Variants in EPHX4 observed in about 807,000 individuals in gnomAD.
EPHX4 encodes epoxide hydrolase 4.
Under a neutral mutation model 44.9 loss-of-function variants are expected in EPHX4, and 31 were observed. The observed-to-expected ratio is 0.69, with a 90% CI of 0.52 to 0.93. The LOEUF is 0.93. Ranked by LOEUF, EPHX4 falls within the 40% of genes least tolerant of loss-of-function variation. The probability of loss-of-function intolerance (pLI) is 0.00; values close to 1 mark genes in which losing one functional copy is unlikely to be tolerated. For synonymous variants in EPHX4, 151 were observed against 159.7 expected (o/e 0.95, Z 0.41); for missense variants, 373 against 438.1 (o/e 0.85, Z 1.33).
intron 6 of EPHX4, among the ~76,000 whole-genome samples, chr1:92,060,562 A>G (rs77181457): frequency 0.011 from 1,748 of 152,298 alleles, 24 homozygotes; most frequent in African/African-American, 0.04. Context: ...GAAAGTTTTT[A>G]AATGAAACTT....
intron 5 of EPHX4, 56 bp downstream of exon 5, chr1:92,050,476 T>C (rs1018512217): frequency 2.1e-6 from 2 of 959,112 alleles, no homozygotes; most frequent in African/African-American, 3.4e-5. Flanking sequence ...ATGAAAAATA[T>C]TTTAAAGTCC....
In EPHX4 at chr1:92,032,493, C is replaced by G. The variant is rs759292966; in HGVS notation, c.232-12C>G. ...ACAAACATCACTAAAATTCCATGCC[C>G]TCTACTTTCAGGATTCAGGGTTAAG... On this transcript the variant is annotated splice_polypyrimidine_tract_variant and intron_variant, in intron 1 of 6. Coordinates refer to ENST00000370383, the MANE Select transcript of EPHX4 (RefSeq NM_173567.5). The G allele has an allele frequency of 6.2e-7, 1 of 1,608,948 alleles. No individual in the cohort carries two copies. Among genetic ancestry groups the G allele is most frequent in the East Asian group, 2.2e-5 (1 of 44,844 alleles).
chr1:92,039,834 A>G (rs1047512869), intron 2 of EPHX4, among the ~76,000 whole-genome samples: 15 of 152,042 alleles, frequency 9.9e-5, no homozygotes, highest in African/African-American at 3.4e-4. Flanking sequence ...TTGTATTTTT[A>G]GTAGAGACGT....
At chr1:92,030,701 T>G (rs893797953) in intron 1 of EPHX4, among the ~76,000 whole-genome samples, 1 of 152,052 alleles carries the variant, frequency 6.6e-6, no homozygotes, top group Non-Finnish European at 1.5e-5. Context: ...AGATCAGCTG[T>G]AGAGAATTGT....
intron 2 of EPHX4, among the ~76,000 whole-genome samples, chr1:92,034,693 G>A (rs1325604619): frequency 6.7e-6 from 1 of 149,244 alleles, no homozygotes; most frequent in East Asian, 2.0e-4. Context: ...CCAGGCTAGA[G>A]TGCAGTGGTG....
At chr1:92,049,097 A>G (rs1236130923) in intron 4 of EPHX4, among the ~76,000 whole-genome samples, 4 of 152,014 alleles carry the variant, frequency 2.6e-5, no homozygotes, top group Admixed American at 2.0e-4. Context: ...AAAGCACTTA[A>G]AATAAAATCT....
chr1:92,055,576 A>T (rs1219922226), intron 6 of EPHX4, among the ~76,000 whole-genome samples: 1 of 152,188 alleles, frequency 6.6e-6, no homozygotes, highest in Non-Finnish European at 1.5e-5. Context: ...AGAAAGGCAG[A>T]TAGATTGCAG....
At chr1:92,049,203 C>G (rs557267067) in intron 4 of EPHX4, among the ~76,000 whole-genome samples, 17 of 152,164 alleles carry the variant, frequency 1.1e-4, no homozygotes, top group Middle Eastern at 3.4e-3. Context: ...CAACAAAGGC[C>G]TTTCTGCATC....
Position 92,032,224 on chromosome 1 carries a change from C to T in EPHX4, c.232-281C>T, listed in dbSNP as rs148437620. Among the ~76,000 whole-genome samples, 129 of 152,140 alleles carry T rather than the reference C, an allele frequency of 8.5e-4. No homozygotes were observed. In the East Asian group the frequency reaches 0.025, roughly 29 times the overall value. Reference sequence around the variant, plus strand: ...AATATATAAATTGACTGTACTAGAACAAGAAGAGAAGGTACTGTCAAGGGA... The same window carrying T: ...AATATATAAATTGACTGTACTAGAATAAGAAGAGAAGGTACTGTCAAGGGA... On this transcript the variant is annotated intron_variant, in intron 1 of 6. Coordinates refer to ENST00000370383, the MANE Select transcript of EPHX4 (RefSeq NM_173567.5).
At chr1:92,041,054 T>G (rs1688501494) in intron 2 of EPHX4, among the ~76,000 whole-genome samples, 1 of 152,130 alleles carries the variant, frequency 6.6e-6, no homozygotes, top group Non-Finnish European at 1.5e-5. Flanking sequence ...GTCTTTTTTT[T>G]CTGTTGGTTA....
At chr1:92,051,455 A>C (rs964688267) in intron 5 of EPHX4, among the ~76,000 whole-genome samples, 1 of 151,226 alleles carries the variant, frequency 6.6e-6, no homozygotes, top group Admixed American at 6.6e-5. Flanking sequence ...TTTTTTTTCT[A>C]ATTTTTTTTT....
chr1:92,030,313 G>T lies in EPHX4; in HGVS notation c.231+3G>T. 6.5e-7 allele frequency: 1 copy of T among 1,536,446 alleles called. No individual in the cohort carries two copies. ...CCCACTGCTACGTGCGGATCAAGGT[G>T]AAGGGCCGCGCGGGCCTGGCGGGAG... On this transcript the variant is annotated splice_donor_region_variant and intron_variant, in intron 1 of 6. Coordinates refer to ENST00000370383, the MANE Select transcript of EPHX4 (RefSeq NM_173567.5).
chr1:92,042,612 CT>C (rs1688523839), intron 2 of EPHX4, among the ~76,000 whole-genome samples: 1 of 149,810 alleles, frequency 6.7e-6, no homozygotes, highest in Non-Finnish European at 1.5e-5. Flanking sequence ...GTAGTCTCGG[CT>C]TTTTAGGAAA....
intron 4 of EPHX4, among the ~76,000 whole-genome samples, chr1:92,049,913 C>T (rs909346317): frequency 3.3e-5 from 5 of 152,006 alleles, no homozygotes; most frequent in African/African-American, 1.2e-4. Flanking sequence ...GCCTGGCCAA[C>T]ATGGCGAAAC....
intron 2 of EPHX4, among the ~76,000 whole-genome samples, chr1:92,039,634 A>G (rs545315214): frequency 3.3e-5 from 5 of 152,252 alleles, no homozygotes; most frequent in African/African-American, 1.2e-4. Context: ...GCCAAAAAAG[A>G]CACGTTTATT....
intron 3 of EPHX4, chr1:92,043,195 A>T (rs1186909169): frequency 2.5e-6 from 1 of 404,034 alleles, no homozygotes; most frequent in African/African-American, 2.1e-5. Context: ...GCCAAGAATG[A>T]CTTTTCAGAT....
intron 3 of EPHX4, chr1:92,043,825 A>C (rs965552203): frequency 3.9e-5 from 6 of 152,200 alleles, no homozygotes; most frequent in African/African-American, 1.4e-4. Context: ...TGGCTGCCTG[A>C]GGGAAGCTTT....
chr1:92,042,608 T>G (rs992113334), intron 2 of EPHX4, among the ~76,000 whole-genome samples: 3 of 151,154 alleles, frequency 2.0e-5, no homozygotes, highest in African/African-American at 7.3e-5. Flanking sequence ...ACCTGTAGTC[T>G]CGGCTTTTTA....
In EPHX4 at chr1:92,030,282, T is replaced by G. The variant is rs1444909244; in HGVS notation, c.203T>G (p.Leu68Trp). Residue 68 changes from leucine (L) to tryptophan (W), a missense_variant, in exon 1 of 7, where the codon TTG becomes TGG. By Grantham distance (61) the Leu-to-Trp change is moderately conservative. Coordinates refer to ENST00000370383, the MANE Select transcript of EPHX4 (RefSeq NM_173567.5). ...CCCGCGTGCCTGAGCGACCCCTCCT[T>G]GGGCACCCACTGCTACGTGCGGATC... ...HPPACLSDPS[L>W]GTHCYVRIKD... 1.3e-6 allele frequency: 2 copies of G among 1,595,320 alleles called. No homozygotes were observed. The highest frequency in any genetic ancestry group is 1.7e-6 in the Non-Finnish European group (2 of 1,171,724).
Sources: allele counts gnomAD v4.1 joint callset (sites outside exome capture counted in the v4.1 genomes callset), GRCh38; gene constraint gnomAD v4.1.1; transcripts MANE v1.5; gene names NCBI Gene and HGNC (gene_info 2026-07-23, HGNC 2026-07-21).